PI4KA: variants seen among roughly 807,000 people sequenced by gnomAD.
The protein encoded by PI4KA is PI4-kinase alpha.
PI4KA carries 122 observed loss-of-function variants against 271.4 expected under a neutral mutation model. The ratio of observed to expected loss-of-function variants is 0.45; its 90% CI spans 0.39 to 0.52. The LOEUF (loss-of-function observed/expected upper bound fraction) is 0.52, where lower values mean the gene tolerates loss of function less well. Ranked by LOEUF, PI4KA falls within the 20% of genes least tolerant of loss-of-function variation. The probability of loss-of-function intolerance (pLI) is 0.00; values close to 1 mark genes in which losing one functional copy is unlikely to be tolerated. For synonymous variants in PI4KA, 1,041 were observed against 1,078.8 expected (o/e 0.96, Z 0.69); for missense variants, 1,969 against 2,769.1 (o/e 0.71, Z 6.48).
intron 2 of PI4KA, among the ~76,000 whole-genome samples, chr22:20,834,922 C>A (rs767129827): frequency 6.6e-6 from 1 of 152,204 alleles, no homozygotes; most frequent in African/African-American, 2.4e-5. Flanking sequence ...GAGGGTCCAG[C>A]CTGCTCAGGC....
intron 8 of PI4KA, among the ~76,000 whole-genome samples, chr22:20,812,482 T>C (rs1479327387): frequency 6.6e-6 from 1 of 152,170 alleles, no homozygotes; most frequent in African/African-American, 2.4e-5. Flanking sequence ...GATGACATCA[T>C]CACCCGTACC....
chr22:20,727,429 G>A, intron 40 of PI4KA, 32 bp from the exon 41 acceptor site: 1 of 1,563,974 alleles, frequency 6.4e-7, no homozygotes, highest in Non-Finnish European at 8.7e-7. Context: ...GCTGTGGCTT[G>A]GGCAGTCCCG....
At chr22:20,713,504 C>T in intron 47 of PI4KA, 114 bp from the exon 48 acceptor site, 1 of 825,028 alleles carries the variant, frequency 1.2e-6, no homozygotes, top group Non-Finnish European at 1.9e-6. Flanking sequence ...TCTTGGGGAT[C>T]ACTTCTTCAA....
chr22:20,831,167 T>C (rs1221804107), intron 3 of PI4KA, among the ~76,000 whole-genome samples: 1 of 151,968 alleles, frequency 6.6e-6, no homozygotes, highest in Non-Finnish European at 1.5e-5. Context: ...GGTAAAGAAA[T>C]CCCTTAGCAT....
At chr22:20,743,912 G>A (rs62238852) in intron 30 of PI4KA, among the ~76,000 whole-genome samples, 3,327 of 152,156 alleles carry the variant, frequency 0.022, 62 homozygotes, top group Non-Finnish European at 0.034. Context: ...AAATTAGCCG[G>A]GCGTGGTGGT....
intron 1 of PI4KA, among the ~76,000 whole-genome samples, chr22:20,850,726 C>T (rs1331663522): frequency 4.0e-5 from 6 of 151,878 alleles, no homozygotes; most frequent in Admixed American, 2.6e-4. Flanking sequence ...TGTGAGCCAC[C>T]GCGCCCGGCC....
At chr22:20,832,587 G>T (rs886488363) in intron 3 of PI4KA, among the ~76,000 whole-genome samples, 1 of 152,104 alleles carries the variant, frequency 6.6e-6, no homozygotes, top group African/African-American at 2.4e-5. Context: ...GCAAGTAGCT[G>T]GGATTATAGG....
chr22:20,731,964 A>C (rs1321206016), intron 36 of PI4KA, among the ~76,000 whole-genome samples: 3 of 149,670 alleles, frequency 2.0e-5, no homozygotes, highest in Admixed American at 6.7e-5. Flanking sequence ...CTGGGCGCGG[A>C]GATCGAGACC....
rs1388266741 is a variant in PI4KA, at chr22:20,731,070, T to C, written c.4289-1059A>G. ...GGCATGTGTCTGTAGTCTTAGCTGC[T>C]TGTGAGGCTGGGGTGGGAGAATTGC... On this transcript the variant is annotated intron_variant, in intron 36 of 54. Coordinates refer to ENST00000255882, the MANE Select transcript of PI4KA (RefSeq NM_058004.4). Among the ~76,000 whole-genome samples the C allele has an allele frequency of 4.6e-5, 7 of 152,020 alleles. No individual in the cohort carries two copies. The East Asian group carries it at 1.4e-3, about 30-fold the overall frequency.
chr22:20,754,718 G>A (rs766212049), intron 23 of PI4KA, among the ~76,000 whole-genome samples: 4 of 152,194 alleles, frequency 2.6e-5, no homozygotes, highest in African/African-American at 7.2e-5. Context: ...GAGAGGCCGA[G>A]GTGGGTGGAT....
At chr22:20,819,606 T>C (rs748990857) in intron 6 of PI4KA, 35 bp downstream of exon 6, 5 of 1,590,828 alleles carry the variant, frequency 3.1e-6, no homozygotes, top group East Asian at 4.5e-5. Context: ...ACAGGGTCTT[T>C]CTCCTCTGCT....
rs575657965 is a variant in PI4KA at position 20,791,950 on chromosome 22, A to C, written c.2328+1243T>G. ...ACCCCATCTCTACTAAAAATACAAA[A>C]ATTAGCCATGCGTGGTAGGGCGTGC... On this transcript the variant is annotated intron_variant, in intron 19 of 54. Transcript: ENST00000255882. Among the ~76,000 whole-genome samples, 253 of 151,876 alleles carry C rather than the reference A, an allele frequency of 1.7e-3. 2 individuals carry two copies. Among genetic ancestry groups the C allele is most frequent in the African/African-American group, 5.9e-3 (244 of 41,422 alleles).
chr22:20,818,592 A>T, intron 6 of PI4KA, 43 bp from the exon 7 acceptor site: 1 of 1,429,330 alleles, frequency 7.0e-7, no homozygotes, highest in African/African-American at 1.5e-5. Context: ...AAGACCAGTG[A>T]GACCTCCATC....
chr22:20,770,087 G>A lies in PI4KA; in HGVS notation c.2329-4394C>T, dbSNP rs114440291. Reference sequence around the variant, plus strand: ...TTTAGAGACAGGGTCTCACTCTGTCGACCACACTGGAGTAGGGGGTACAAT... The same window carrying A: ...TTTAGAGACAGGGTCTCACTCTGTCAACCACACTGGAGTAGGGGGTACAAT... On this transcript the variant is annotated intron_variant, in intron 19 of 54. Coordinates refer to ENST00000255882, the MANE Select transcript of PI4KA (RefSeq NM_058004.4). Among the ~76,000 whole-genome samples, 381 of 151,920 alleles carry A rather than the reference G, an allele frequency of 2.5e-3. 1 individual carries two copies. Among genetic ancestry groups the A allele is most frequent in the African/African-American group, 8.7e-3 (361 of 41,398 alleles).
In PI4KA at chr22:20,783,817, C is replaced by G. The variant is rs912135530; in HGVS notation, c.2328+9376G>C. Reference sequence around the variant, plus strand: ...CCTCTCTTGTTAGAAATGCAAATTTCTGCCCAAATCAGGCCTCAGGAATCA... The same window carrying G: ...CCTCTCTTGTTAGAAATGCAAATTTGTGCCCAAATCAGGCCTCAGGAATCA... On this transcript the variant is annotated intron_variant, in intron 19 of 54. Transcript: ENST00000255882. Among the ~76,000 whole-genome samples the G allele has an allele frequency of 1.5e-4, 23 of 152,190 alleles. 1 individual carries two copies. Among genetic ancestry groups the G allele is most frequent in the Non-Finnish European group, 2.9e-5 (2 of 68,040 alleles).
At chr22:20,784,992 TAAC>T (rs5844440) in intron 19 of PI4KA, among the ~76,000 whole-genome samples, 4,478 of 151,986 alleles carry the variant, frequency 0.029, 85 homozygotes, top group Middle Eastern at 0.062. Flanking sequence ...AATTTTTCCT[TAAC>T]AACGTCCCTT....
intron 32 of PI4KA, among the ~76,000 whole-genome samples, chr22:20,739,394 G>C (rs1568973979): frequency 2.7e-5 from 4 of 150,524 alleles, no homozygotes; most frequent in African/African-American, 9.7e-5. Flanking sequence ...ACTGGGTCAG[G>C]AGGCCGAGGC....
intron 29 of PI4KA, among the ~76,000 whole-genome samples, chr22:20,747,009 C>T (rs1041796187): frequency 1.3e-5 from 2 of 152,196 alleles, no homozygotes; most frequent in Admixed American, 1.3e-4. Context: ...TCTAGATTCA[C>T]ATTAACCAAC....
intron 10 of PI4KA, among the ~76,000 whole-genome samples, chr22:20,805,629 G>A (rs1352643793): frequency 9.2e-5 from 14 of 151,682 alleles, no homozygotes; most frequent in African/African-American, 3.4e-4. Flanking sequence ...TCAGGAGATC[G>A]AGACCATCCT....
Sources: gnomAD v4.1 joint callset for allele counts (sites outside exome capture counted in the v4.1 genomes callset) on GRCh38, gnomAD v4.1.1 for gene constraint, MANE v1.5 for transcripts, NCBI Gene and HGNC (gene_info 2026-07-23, HGNC 2026-07-21) for gene names.